The following CNTNAP3B variants were observed in gnomAD, a reference collection of about 807,000 sequenced individuals.
The protein encoded by CNTNAP3B is contactin-associated protein-like 3B.
A neutral mutation model predicts 108.9 loss-of-function variants in CNTNAP3B; 25 were observed. The ratio of observed to expected loss-of-function variants is 0.23; its 90% CI spans 0.17 to 0.32. The LOEUF (loss-of-function observed/expected upper bound fraction) is 0.32, where lower values mean the gene tolerates loss of function less well. CNTNAP3B is among the 10% of genes least tolerant of loss of function. The pLI is 1.00. For synonymous variants in CNTNAP3B, 103 were observed against 473.4 expected (o/e 0.22, Z 10.16); for missense variants, 252 against 1,210.4 (o/e 0.21, Z 11.75).
rs1564177896 is a variant in CNTNAP3B at position 42,030,797 on chromosome 9, GA to G, written c.391-17273del. On this transcript the variant is annotated intron_variant, in intron 3 of 23. Coordinates refer to ENST00000377561, the MANE Select transcript of CNTNAP3B (RefSeq NM_001201380.3). Reference sequence around the variant, plus strand: ...GAGAGAGAGAGAGATGTGTGCGAGAGAGAGAGAGAGAGAGAGGAGAGAGAGA... The same window carrying G: ...GAGAGAGAGAGAGATGTGTGCGAGAGGAGAGAGAGAGAGAGGAGAGAGAGA... Among the ~76,000 whole-genome samples the G allele has an allele frequency of 1.1e-4, 10 of 92,204 alleles. 1 individual carries two copies. The highest frequency in any genetic ancestry group is 4.8e-4 in the African/African-American group (10 of 20,838). The allele number at this position is 92,204 out of a possible 152,430, so 60.5% of individuals were successfully genotyped here.
In CNTNAP3B at chr9:42,034,127, GTCTA is replaced by G. The variant is rs1265661588; in HGVS notation, c.391-20606_391-20603del. ...ATTTTTTCTTCTATTTCTATATATCGTCTATCTTTCTATGTGTACATAATCTACC... is the reference window on the plus strand; with the variant it reads ...ATTTTTTCTTCTATTTCTATATATCGTCTTTCTATGTGTACATAATCTACC... On this transcript the variant is annotated intron_variant, in intron 3 of 23. Coordinates refer to ENST00000377561, the MANE Select transcript of CNTNAP3B (RefSeq NM_001201380.3). 3.5e-5 allele frequency among the ~76,000 whole-genome samples: 4 copies of G among 113,332 alleles called. 1 individual carries two copies. Among genetic ancestry groups the G allele is most frequent in the Admixed American group, 9.0e-5 (1 of 11,150 alleles). The allele number at this position is 113,332 out of a possible 152,430, so 74.4% of individuals were successfully genotyped here. A position where few individuals can be genotyped will look rare whatever the true frequency, so the allele number is the denominator to read the frequency against.
At chr9:41,934,817 G>C (rs1299002817) in intron 14 of CNTNAP3B, among the ~76,000 whole-genome samples, 1 of 152,264 alleles carries the variant, frequency 6.6e-6, no homozygotes, top group Non-Finnish European at 1.5e-5. Flanking sequence ...TAAATGAACA[G>C]AGTTTACTCG....
intron 13 of CNTNAP3B, among the ~76,000 whole-genome samples, chr9:41,952,448 T>C (rs1392324830): frequency 2.0e-5 from 3 of 152,218 alleles, no homozygotes; most frequent in Non-Finnish European, 2.9e-5. Flanking sequence ...TATTTAACTA[T>C]AATTAGCAAT....
intron 3 of CNTNAP3B, among the ~76,000 whole-genome samples, chr9:42,043,932 G>A (rs1299266044): frequency 9.9e-6 from 1 of 100,858 alleles, no homozygotes; most frequent in Admixed American, 1.0e-4. Flanking sequence ...TCAGAAATAA[G>A]CAATTCATAA....
At chr9:41,945,661 A>C (rs1187148193) in intron 13 of CNTNAP3B, among the ~76,000 whole-genome samples, 2 of 152,312 alleles carry the variant, frequency 1.3e-5, no homozygotes, top group African/African-American at 2.4e-5. Context: ...GATATAGCTA[A>C]TGTAAATGAT....
intron 9 of CNTNAP3B, among the ~76,000 whole-genome samples, chr9:41,973,320 C>T (rs867897054): frequency 0.12 from 14,511 of 126,006 alleles, 171 homozygotes; most frequent in Middle Eastern, 0.14. Context: ...CCAGGTGTCC[C>T]GCAAAAAGTT....
intron 6 of CNTNAP3B, 149 bp downstream of exon 6, chr9:41,997,419 A>G: frequency 8.2e-7 from 1 of 1,220,706 alleles, no homozygotes; most frequent in South Asian, 1.6e-5. Flanking sequence ...CTGACCTATT[A>G]GAAGGCATAA....
intron 1 of CNTNAP3B, among the ~76,000 whole-genome samples, chr9:42,121,175 G>A (rs1440822842): frequency 7.3e-6 from 1 of 137,872 alleles, no homozygotes; most frequent in African/African-American, 2.9e-5. Context: ...TCTCTCAGAG[G>A]CACAGCTGTG....
intron 13 of CNTNAP3B, among the ~76,000 whole-genome samples, chr9:41,941,162 G>T (rs1468999764): frequency 5.3e-5 from 8 of 150,848 alleles, no homozygotes; most frequent in Non-Finnish European, 7.4e-5. Context: ...GTTGACTGTG[G>T]TAAGTCACAT....
At chr9:41,962,847 C>CG (rs1564160599) in intron 11 of CNTNAP3B, among the ~76,000 whole-genome samples, 6 of 152,094 alleles carry the variant, frequency 3.9e-5, no homozygotes, top group Admixed American at 3.9e-4. Flanking sequence ...CCCAGGTACT[C>CG]GGGAGGCTGA....
intron 13 of CNTNAP3B, among the ~76,000 whole-genome samples, chr9:41,942,854 A>T: frequency 6.6e-6 from 1 of 152,114 alleles, no homozygotes. Flanking sequence ...TTATGCAAAG[A>T]GCAAATTCAG....
intron 13 of CNTNAP3B, among the ~76,000 whole-genome samples, chr9:41,939,530 C>A (rs1824269035): frequency 6.6e-6 from 1 of 152,288 alleles, no homozygotes; most frequent in African/African-American, 2.4e-5. Context: ...AAAAGGCAAT[C>A]TGGGAAAATT....
At position 41,919,032 on chromosome 9, in the gene CNTNAP3B, G is replaced by T. The variant is rs1199112898; in HGVS notation, c.2995+1038C>A. On this transcript the variant is annotated intron_variant, in intron 18 of 23. Transcript: ENST00000377561. Reference sequence around the variant, plus strand: ...CACTTAAACACACAATTACATTTTAGCTCTGATGATTCAATATTGTAAGAG... The same window carrying T: ...CACTTAAACACACAATTACATTTTATCTCTGATGATTCAATATTGTAAGAG... Among the ~76,000 whole-genome samples, 19 of 152,352 alleles carry T rather than the reference G, an allele frequency of 1.2e-4. No homozygotes were observed. In the East Asian group the frequency reaches 3.3e-3, roughly 26 times the overall value.
chr9:41,990,705 T>G (rs1458502468), intron 8 of CNTNAP3B, among the ~76,000 whole-genome samples: 1 of 136,020 alleles, frequency 7.4e-6, no homozygotes, highest in African/African-American at 2.9e-5. Flanking sequence ...CCGATGCCAA[T>G]TTAGGCACAA....
At chr9:41,968,804 T>A (rs1337660248) in intron 10 of CNTNAP3B, among the ~76,000 whole-genome samples, 3 of 148,970 alleles carry the variant, frequency 2.0e-5, no homozygotes, top group African/African-American at 7.5e-5. Flanking sequence ...GATATAACTT[T>A]TTTTTTTTTT....
At chr9:41,945,565 ATG>A (rs1306840413) in intron 13 of CNTNAP3B, among the ~76,000 whole-genome samples, 1 of 152,310 alleles carries the variant, frequency 6.6e-6, no homozygotes, top group Non-Finnish European at 1.5e-5. Context: ...GAATTGAACA[ATG>A]AGAACACTTG....
At chr9:41,956,325 G>T (rs887644810) in intron 12 of CNTNAP3B, among the ~76,000 whole-genome samples, 1 of 151,976 alleles carries the variant, frequency 6.6e-6, no homozygotes, top group Non-Finnish European at 1.5e-5. Context: ...GGTGGAGGTT[G>T]CAGTGAGCCG....
At chr9:41,950,744 ATT>A (rs1824650841) in intron 13 of CNTNAP3B, among the ~76,000 whole-genome samples, 1 of 124,358 alleles carries the variant, frequency 8.0e-6, no homozygotes, top group Admixed American at 8.9e-5. Flanking sequence ...AATAGGAGGA[ATT>A]CTTTTTTTTT....
intron 12 of CNTNAP3B, among the ~76,000 whole-genome samples, chr9:41,958,055 T>A (rs1447671723): frequency 2.6e-5 from 4 of 152,266 alleles, no homozygotes; most frequent in Admixed American, 1.3e-4. Flanking sequence ...AGCCACCGTC[T>A]GTTTTTAATG....
Sources: gnomAD v4.1 joint callset for allele counts (sites outside exome capture counted in the v4.1 genomes callset) on GRCh38, gnomAD v4.1.1 for gene constraint, MANE v1.5 for transcripts, NCBI Gene and HGNC (gene_info 2026-07-23, HGNC 2026-07-21) for gene names.